The following ABHD12 variants were observed in gnomAD, a reference collection of about 807,000 sequenced individuals.
ABHD12 encodes the protein lysophosphatidylserine lipase ABHD12.
A neutral mutation model predicts 58.3 loss-of-function variants in ABHD12; 43 were observed. That is an observed-to-expected ratio of 0.74 (90% CI 0.58 to 0.95). ABHD12 has a LOEUF of 0.95. Among genes scored for constraint, ABHD12 ranks in the 40% least tolerant of loss-of-function variants. The pLI, the probability that ABHD12 is intolerant of heterozygous loss-of-function variation, is 0.00. For missense variants in ABHD12, 539 were observed against 537.2 expected, an observed-to-expected ratio of 1.00 and a Z score of -0.03; for synonymous variants, 219 against 211.2, an observed-to-expected ratio of 1.04 and a Z score of -0.32.
rs2088871534 is a variant in ABHD12 at position 25,312,575 on chromosome 20, G to A, written c.619+2350C>T. ...CTGCTTTGGCCTCCCAAAGTGCCGA[G>A]ATTGCAGCCTCTGCCCGGCCGCCAC... On this transcript the variant is annotated intron_variant, in intron 6 of 12. Coordinates refer to ENST00000339157, the MANE Select transcript of ABHD12 (RefSeq NM_001042472.3). Among the ~76,000 whole-genome samples, 7 of 152,224 alleles carry A rather than the reference G, an allele frequency of 4.6e-5. 1 individual carries two copies. The highest frequency in any genetic ancestry group is 4.6e-4 in the Admixed American group (7 of 15,282).
chr20:25,333,732 A>T (rs1467285633), intron 2 of ABHD12, among the ~76,000 whole-genome samples: 2 of 151,972 alleles, frequency 1.3e-5, no homozygotes, highest in Non-Finnish European at 1.5e-5. Flanking sequence ...ATAGATGCAG[A>T]AAAGGCCTCT....
At chr20:25,296,309 A>G, downstream of ABHD12, 6 of 1,592,336 alleles carry the variant, frequency 3.8e-6, no homozygotes, top group African/African-American at 4.0e-5. Context: ...CTGGAATCCC[A>G]TGTTTTTAGC....
chr20:25,390,610 C>G lies in ABHD12; in HGVS notation c.94G>C (p.Ala32Pro). 6.8e-7 allele frequency: 1 copy of G among 1,464,852 alleles called. No individual in the cohort carries two copies. 90.7% of individuals were successfully genotyped at this position (1,464,852 alleles called of 1,614,324 possible). The change falls in exon 1 of 13, where the codon GCC becomes CCC. Residue 32 changes from alanine (A) to proline (P), a missense_variant. Coordinates refer to ENST00000339157, the MANE Select transcript of ABHD12 (RefSeq NM_001042472.3). ...AGGTTCTGCTTCAGGCGGCAGTCGG[C>G]GTCCAGCGCCGCGGCGGCCGAGCCG... ...SSGSAAAALDADCRLKQNLRL... is the reference protein window; with the variant it reads ...SSGSAAAALDPDCRLKQNLRL...
rs1244208265 is a variant in ABHD12 at position 25,339,075 on chromosome 20, T to C, written c.316+152A>G. 8 of 1,422,702 alleles carry C rather than the reference T, an allele frequency of 5.6e-6. No homozygotes were observed. The Admixed American group carries it at 7.3e-5, about 13-fold the overall frequency. 88.1% of individuals were successfully genotyped at this position (1,422,702 alleles called of 1,614,324 possible). ...CTCTACCTATCTATCTCTAAAGATA[T>C]AGGTATATAAACTGTACACTTAAGA... On this transcript the variant is annotated intron_variant, in intron 2 of 12. Transcript: ENST00000339157.
chr20:25,297,538 C>T (rs1192970912), downstream of ABHD12: 1 of 152,276 alleles, frequency 6.6e-6, no homozygotes, highest in Non-Finnish European at 1.5e-5. Flanking sequence ...ACCAGGGGTC[C>T]CGGAGGAACC....
At chr20:25,345,744 C>T (rs1477045307) in intron 1 of ABHD12, among the ~76,000 whole-genome samples, 2 of 152,116 alleles carry the variant, frequency 1.3e-5, no homozygotes, top group African/African-American at 4.8e-5. Context: ...TATACCACTA[C>T]ACACTATTAG....
At chr20:25,387,965 T>G (rs1164599600) in intron 1 of ABHD12, among the ~76,000 whole-genome samples, 1 of 137,394 alleles carries the variant, frequency 7.3e-6, no homozygotes, top group Non-Finnish European at 1.5e-5. Context: ...TGCTTGAACC[T>G]GGGAGGTGGA....
At chr20:25,309,369 A>C in intron 7 of ABHD12, 77 bp downstream of exon 7, 1 of 1,603,024 alleles carries the variant, frequency 6.2e-7, no homozygotes. Flanking sequence ...GGGATGGTGG[A>C]CTCTCTAGAT....
intron 10 of ABHD12, among the ~76,000 whole-genome samples, chr20:25,306,213 T>TA (rs2145927117): frequency 6.6e-6 from 1 of 152,070 alleles, no homozygotes; most frequent in African/African-American, 2.4e-5. Flanking sequence ...ATCAACCAGT[T>TA]AATATCACTG....
chr20:25,295,269 T>G (rs1281562437), downstream of ABHD12, among the ~76,000 whole-genome samples: 2 of 152,254 alleles, frequency 1.3e-5, no homozygotes, highest in Non-Finnish European at 2.9e-5. Context: ...CCATGGGCTC[T>G]CCACTGTCTG....
At chr20:25,308,620 G>A in intron 7 of ABHD12, 126 bp from the exon 8 acceptor site, 7 of 1,212,074 alleles carry the variant, frequency 5.8e-6, no homozygotes, top group Non-Finnish European at 8.3e-6. Context: ...TCAGGACAGA[G>A]TGGGGGAAAT....
At chr20:25,381,335 C>T (rs903733156) in intron 1 of ABHD12, among the ~76,000 whole-genome samples, 5 of 152,190 alleles carry the variant, frequency 3.3e-5, no homozygotes, top group Non-Finnish European at 7.3e-5. Flanking sequence ...CATGTTTTAT[C>T]TGCCTCCCCT....
chr20:25,312,377 C>T (rs1310916574), intron 6 of ABHD12, among the ~76,000 whole-genome samples: 6 of 152,134 alleles, frequency 3.9e-5, no homozygotes, highest in Admixed American at 2.0e-4. Context: ...GACGGGGTTT[C>T]GCTGTGTTGG....
intron 1 of ABHD12, among the ~76,000 whole-genome samples, chr20:25,375,546 T>C (rs2089952041): frequency 6.6e-6 from 1 of 152,152 alleles, no homozygotes; most frequent in Non-Finnish European, 1.5e-5. Flanking sequence ...CATTGGTCTC[T>C]CCAGATTCTC....
rs894144981 is a variant in ABHD12 at position 25,390,813 on chromosome 20, C to T, written c.-110G>A. 2 of 708,482 alleles carry T rather than the reference C, an allele frequency of 2.8e-6. No homozygotes were observed. The highest frequency in any genetic ancestry group is 3.8e-6 in the Non-Finnish European group (2 of 528,294). The allele number at this position is 708,482 out of a possible 1,614,324, so 43.9% of individuals were successfully genotyped here. On this transcript the variant is annotated 5_prime_UTR_variant, in exon 1 of 13. An upstream open reading frame in the 5' UTR loses its in-frame stop. Coordinates refer to ENST00000339157, the MANE Select transcript of ABHD12 (RefSeq NM_001042472.3). ...CCGGAGCCCGGAACCCGCCGCTCCT[C>T]ACATCCCAGCCCAGGCCGCTGCGCC...
chr20:25,390,705 C>T lies in ABHD12; in HGVS notation c.-2G>A. ...GACGGGCTCGGTCCGCTTCCTCATC[C>T]CGCGGCCGACAGGGCCAGCCGCCGA... is the stretch of plus-strand genomic sequence containing the variant. On this transcript the variant is annotated 5_prime_UTR_variant, in exon 1 of 13. Coordinates refer to ENST00000339157, the MANE Select transcript of ABHD12 (RefSeq NM_001042472.3). The T allele has an allele frequency of 3.6e-6, 5 of 1,379,858 alleles. No homozygotes were observed. Among genetic ancestry groups the T allele is most frequent in the South Asian group, 1.6e-5 (1 of 64,506 alleles). The allele number at this position is 1,379,858 out of a possible 1,614,324, so 85.5% of individuals were successfully genotyped here.
intron 1 of ABHD12, among the ~76,000 whole-genome samples, chr20:25,356,253 C>A (rs971366584): frequency 3.3e-5 from 5 of 152,222 alleles, no homozygotes; most frequent in Non-Finnish European, 7.3e-5. Context: ...CCTGAGACTG[C>A]GGAGGTTTTG....
downstream of ABHD12, among the ~76,000 whole-genome samples, chr20:25,299,842 G>A (rs1294578175): frequency 6.6e-6 from 1 of 152,206 alleles, no homozygotes; most frequent in East Asian, 1.9e-4. Context: ...AGGGGGACCA[G>A]TGTTCTCATG....
chr20:25,387,589 T>TAAA (rs779293077), intron 1 of ABHD12, among the ~76,000 whole-genome samples: 14 of 85,222 alleles, frequency 1.6e-4, no homozygotes, highest in Non-Finnish European at 3.0e-4. Context: ...TTCATCTCTA[T>TAAA]TAAAAAAAAA....
Sources: gnomAD v4.1 joint callset for allele counts (sites outside exome capture counted in the v4.1 genomes callset) on GRCh38, gnomAD v4.1.1 for gene constraint, MANE v1.5 for transcripts, NCBI Gene and HGNC (gene_info 2026-07-23, HGNC 2026-07-21) for gene names.